The following CFAP299 variants were observed in gnomAD, a reference collection of about 807,000 sequenced individuals.
CFAP299 encodes cilia and flagella associated protein 299.
Under a neutral mutation model 27.0 loss-of-function variants are expected in CFAP299, and 21 were observed. The ratio of observed to expected loss-of-function variants is 0.78; its 90% confidence interval spans 0.55 to 1.12. The LOEUF (loss-of-function observed/expected upper bound fraction) is 1.12. Ranked by LOEUF, CFAP299 falls within the 50% of genes most tolerant of loss-of-function variation. The pLI is 0.00. For missense variants in CFAP299, 310 were observed against 276.6 expected (o/e 1.12, Z -0.86); for synonymous variants, 104 against 98.1 (o/e 1.06, Z -0.36).
At chr4:80,541,131 T>C (rs1733976486) in intron 2 of CFAP299, among the ~76,000 whole-genome samples, 1 of 124,830 alleles carries the variant, frequency 8.0e-6, no homozygotes. Flanking sequence ...TTTTATGTGA[T>C]TTAGACATAT....
chr4:80,833,096 T>C (rs1730384537), intron 3 of CFAP299, among the ~76,000 whole-genome samples: 3 of 152,144 alleles, frequency 2.0e-5, no homozygotes, highest in Admixed American at 6.6e-5. Context: ...ATTTTAACAA[T>C]ATTTTACATT....
chr4:80,865,589 T>TA (rs1322141885), intron 3 of CFAP299, among the ~76,000 whole-genome samples: 1 of 152,192 alleles, frequency 6.6e-6, no homozygotes, highest in Non-Finnish European at 1.5e-5. Context: ...AATCGGATTT[T>TA]AAAAATAATT....
rs566612780 is a variant in CFAP299 at position 80,950,257 on chromosome 4, C to A, written c.606+5318C>A. Among the ~76,000 whole-genome samples, 18 of 151,596 alleles carry A rather than the reference C, an allele frequency of 1.2e-4. No individual in the cohort carries two copies. The East Asian group carries it at 2.3e-3, about 20-fold the overall frequency. On this transcript the variant is annotated intron_variant, in intron 5 of 5. Transcript: ENST00000358105. ...CCACTCTTTATTCTTCCCTCCACCC[C>A]CCCCCTTTCTCATTTGATGTTTCCT... is the stretch of plus-strand genomic sequence containing the variant.
At chr4:80,456,461 G>A (rs2110101717) in intron 2 of CFAP299, among the ~76,000 whole-genome samples, 1 of 152,246 alleles carries the variant, frequency 6.6e-6, no homozygotes, top group East Asian at 1.9e-4. Flanking sequence ...GATGATAACA[G>A]TGGTGGAAGT....
intron 2 of CFAP299, among the ~76,000 whole-genome samples, chr4:80,457,782 C>T (rs1447057618): frequency 2.0e-5 from 3 of 152,240 alleles, no homozygotes; most frequent in African/African-American, 7.2e-5. Context: ...TCCCCCAACC[C>T]CCTCTGCCAA....
chr4:80,959,588 A>G (rs954898321), intron 5 of CFAP299, among the ~76,000 whole-genome samples: 50 of 152,070 alleles, frequency 3.3e-4, no homozygotes, highest in African/African-American at 1.2e-3. Context: ...TGCCTATTCA[A>G]TTTAAATAAG....
intron 3 of CFAP299, among the ~76,000 whole-genome samples, chr4:80,784,778 C>T (rs1046380357): frequency 1.3e-5 from 2 of 152,154 alleles, no homozygotes; most frequent in African/African-American, 4.8e-5. Context: ...GCGCCTCAGC[C>T]TCCCAAAGTG....
At chr4:80,598,813 T>G (rs1360880956) in intron 3 of CFAP299, among the ~76,000 whole-genome samples, 2 of 152,188 alleles carry the variant, frequency 1.3e-5, no homozygotes, top group African/African-American at 4.8e-5. Context: ...ACATACTGTT[T>G]CCTCAGATTT....
chr4:80,959,535 T>C (rs1308541068), intron 5 of CFAP299, among the ~76,000 whole-genome samples: 2 of 152,068 alleles, frequency 1.3e-5, no homozygotes, highest in African/African-American at 4.8e-5. Context: ...GAACTTCTCA[T>C]AAAGCATATA....
At chr4:80,710,578 C>CG (rs1553951721) in intron 3 of CFAP299, among the ~76,000 whole-genome samples, 1 of 138,876 alleles carries the variant, frequency 7.2e-6, no homozygotes, top group Non-Finnish European at 1.5e-5. Context: ...AGAAATAAGA[C>CG]TTTTTTTTTT....
chr4:80,611,162 T>C (rs534100216), intron 3 of CFAP299, among the ~76,000 whole-genome samples: 1 of 152,200 alleles, frequency 6.6e-6, no homozygotes, highest in East Asian at 1.9e-4. Flanking sequence ...AAATTACACC[T>C]GTCAGTAATA....
At chr4:80,541,578 G>C (rs902871808) in intron 2 of CFAP299, among the ~76,000 whole-genome samples, 25 of 152,076 alleles carry the variant, frequency 1.6e-4, no homozygotes, top group African/African-American at 5.6e-4. Context: ...TTAAGGATGA[G>C]ACCTACATAG....
intron 2 of CFAP299, among the ~76,000 whole-genome samples, chr4:80,499,032 G>A (rs1731600258): frequency 6.6e-6 from 1 of 152,098 alleles, no homozygotes; most frequent in Non-Finnish European, 1.5e-5. Flanking sequence ...CTTATAAGTG[G>A]GAACTAAACC....
intron 5 of CFAP299, among the ~76,000 whole-genome samples, 158 bp downstream of exon 5, chr4:80,945,097 A>T (rs1173351602): frequency 6.6e-6 from 1 of 152,238 alleles, no homozygotes; most frequent in East Asian, 1.9e-4. Context: ...CTTTTAAAAA[A>T]CACTGCATAG....
At chr4:80,494,812 C>G (rs776483122) in intron 2 of CFAP299, among the ~76,000 whole-genome samples, 2 of 152,094 alleles carry the variant, frequency 1.3e-5, no homozygotes, top group Non-Finnish European at 2.9e-5. Flanking sequence ...ATACAAGTTA[C>G]TTATTTCCAA....
intron 3 of CFAP299, among the ~76,000 whole-genome samples, chr4:80,680,136 A>C (rs897765194): frequency 1.3e-5 from 2 of 152,012 alleles, no homozygotes; most frequent in Non-Finnish European, 2.9e-5. Context: ...ACCAGAAGTC[A>C]ACTCTCATTT....
chr4:80,629,183 AT>A (rs1316290385), intron 3 of CFAP299, among the ~76,000 whole-genome samples: 1 of 152,182 alleles, frequency 6.6e-6, no homozygotes, highest in Admixed American at 6.5e-5. Flanking sequence ...CCTGGAGGAC[AT>A]TATGTTGAGT....
At chr4:80,370,227 A>AGGG (rs1299662034) in intron 2 of CFAP299, among the ~76,000 whole-genome samples, 3 of 152,128 alleles carry the variant, frequency 2.0e-5, no homozygotes, top group Admixed American at 6.5e-5. Flanking sequence ...GGAGAGTACC[A>AGGG]GGGGGAAATC....
chr4:80,641,184 C>T (rs892504973), intron 3 of CFAP299, among the ~76,000 whole-genome samples: 5 of 151,868 alleles, frequency 3.3e-5, no homozygotes, highest in African/African-American at 1.2e-4. Flanking sequence ...TTCATCATAA[C>T]ATATTTAGCT....
Sources: allele counts gnomAD v4.1 joint callset (sites outside exome capture counted in the v4.1 genomes callset), GRCh38; gene constraint gnomAD v4.1.1; transcripts MANE v1.5; gene names NCBI Gene and HGNC (gene_info 2026-07-23, HGNC 2026-07-21).